The following MYO15A variants were observed in gnomAD, a reference collection of about 807,000 sequenced individuals.
The protein encoded by MYO15A is unconventional myosin-XV.
In MYO15A, 308 loss-of-function variants were observed where a neutral mutation model predicts 394.6. The observed-to-expected ratio is 0.78, with a 90% CI of 0.71 to 0.86. The LOEUF (loss-of-function observed/expected upper bound fraction) is 0.86, where lower values mean the gene tolerates loss of function less well. Among genes scored for constraint, MYO15A ranks in the 40% least tolerant of loss-of-function variants. The pLI, the probability that MYO15A is intolerant of heterozygous loss-of-function variation, is 0.00. For missense variants in MYO15A, 4,606 were observed against 4,799.1 expected (o/e 0.96, Z 1.19); for synonymous variants, 1,957 against 2,003.8 (o/e 0.98, Z 0.62).
Position 18,121,455 on chromosome 17 carries a change from G to A in MYO15A, c.2655G>A (p.Pro885=), listed in dbSNP as rs1265873558. 8 of 1,548,760 alleles carry A rather than the reference G, an allele frequency of 5.2e-6. No individual in the cohort carries two copies. Among genetic ancestry groups the A allele is most frequent in the Non-Finnish European group, 6.1e-6 (7 of 1,146,876 alleles). ...AGCCACCCACTCGGGCTGTGAAGCCGCAAGTGCGCCTGCCCTTCCACCGAC... is the reference window on the plus strand; with the variant it reads ...AGCCACCCACTCGGGCTGTGAAGCCACAAGTGCGCCTGCCCTTCCACCGAC... ...LSEPPTRAVK[P]QVRLPFHRPP... The change falls in exon 2 of 66, where the codon CCG becomes CCA. Residue 885 remains proline (P), a synonymous_variant. Coordinates refer to ENST00000647165, the MANE Select transcript of MYO15A (RefSeq NM_016239.4). This position sits in a 1 kb window ranked among gnomAD's most constrained non-coding sequence, Gnocchi z 5.3.
intron 51 of MYO15A, 42 bp downstream of exon 51, chr17:18,157,942 G>A: frequency 2.1e-6 from 3 of 1,431,700 alleles, no homozygotes; most frequent in South Asian, 1.4e-5. Context: ...TAGACCAGGG[G>A]GAAGGGGCCG....
chr17:18,124,932 A>C, intron 3 of MYO15A: 1 of 606,892 alleles, frequency 1.6e-6, no homozygotes, highest in South Asian at 1.9e-5. Flanking sequence ...ATTACGTAAG[A>C]GTGTCCCCCA....
At chr17:18,136,818 C>CT in intron 15 of MYO15A, 132 bp downstream of exon 15, 1 of 1,279,630 alleles carries the variant, frequency 7.8e-7, no homozygotes, top group Non-Finnish European at 1.1e-6. Flanking sequence ...GGACCCCTCC[C>CT]TGTCACCATC....
chr17:18,158,756 C>A, intron 52 of MYO15A, 118 bp downstream of exon 52: 2 of 1,412,422 alleles, frequency 1.4e-6, no homozygotes, highest in East Asian at 2.3e-5. Context: ...GATGAGAGAC[C>A]ACCCAGGTGT....
rs1304415629 is a variant in MYO15A, at chr17:18,172,288, CAT to C, written c.10349_10350del (p.His3450ArgfsTer67). 1.2e-6 allele frequency: 2 copies of C among 1,614,084 alleles called. No homozygotes were observed. The highest frequency in any genetic ancestry group is 2.7e-5 in the African/African-American group (2 of 74,932). On this transcript the variant is annotated frameshift_variant and splice_region_variant, in exon 64 of 66. Coordinates refer to ENST00000647165, the MANE Select transcript of MYO15A (RefSeq NM_016239.4). LOFTEE classifies it high-confidence loss of function. ...CCTCAACTTTCTCAGCACAGAGACT[CAT>C]GTGAGTGGCCTCAGCCTGGCACTGC... is the stretch of plus-strand genomic sequence containing the variant. Reference protein sequence around the residue: ...NGLNFLSTETHELMVKFPLKE... With the variant: ...NGLNFLSTETXELMVKFPLKE...
At chr17:18,130,926 G>A (rs927882706) in intron 8 of MYO15A, 116 bp downstream of exon 8, 27 of 1,183,628 alleles carry the variant, frequency 2.3e-5, no homozygotes, top group Non-Finnish European at 2.9e-5. Context: ...GGAGGGACAG[G>A]CAGGAAAGGA....
Position 18,121,763 on chromosome 17 carries a change from T to A in MYO15A, c.2963T>A (p.Val988Asp). Reference sequence around the variant, plus strand: ...GATCCAGCTGCTGATATGACCAGGGTCTTCCTGGGCAGACACCATGAGCCG... The same window carrying A: ...GATCCAGCTGCTGATATGACCAGGGACTTCCTGGGCAGACACCATGAGCCG... ...PEDPAADMTR[V>D]FLGRHHEPGP... is the part of the protein sequence containing the mutation. The change falls in exon 2 of 66, where the codon GTC (valine) becomes GAC (aspartate). Residue 988 changes from valine (V) to aspartate (D), a missense_variant. Transcript: ENST00000647165. This position sits in a 1 kb window ranked among gnomAD's most constrained non-coding sequence, Gnocchi z 5.3. 6.2e-7 allele frequency: 1 copy of A among 1,607,086 alleles called. No individual in the cohort carries two copies.
chr17:18,143,659 G>A (rs913915688), intron 26 of MYO15A, 40 bp downstream of exon 26: 1 of 1,571,196 alleles, frequency 6.4e-7, no homozygotes, highest in Non-Finnish European at 8.6e-7. Flanking sequence ...CAAGGAGGGA[G>A]GCTGGCAGGT....
At chr17:18,159,906 T>C in intron 55 of MYO15A, 29 bp from the exon 56 acceptor site, 1 of 1,611,952 alleles carries the variant, frequency 6.2e-7, no homozygotes, top group Non-Finnish European at 8.5e-7. Context: ...CACATGTCTT[T>C]GGTGTGTAAC....
intron 62 of MYO15A, among the ~76,000 whole-genome samples, chr17:18,171,129 G>C (rs996792192): frequency 6.6e-6 from 1 of 152,228 alleles, no homozygotes; most frequent in Admixed American, 6.5e-5. Flanking sequence ...GTAGCAGCCA[G>C]CGTATGTCAG....
At chr17:18,149,709 A>T (rs1037871026) in intron 35 of MYO15A, 129 bp downstream of exon 35, 1 of 942,658 alleles carries the variant, frequency 1.1e-6, no homozygotes, top group Admixed American at 1.9e-5. Flanking sequence ...TCCCATCTGG[A>T]TGTCTGCTGG....
chr17:18,152,000 G>T (rs747656996), intron 41 of MYO15A, 49 bp downstream of exon 41: 4 of 1,542,584 alleles, frequency 2.6e-6, no homozygotes, highest in Middle Eastern at 1.9e-4. Context: ...AAGACAAAGA[G>T]GGGCCTCAGG....
In MYO15A at chr17:18,122,240, C is replaced by T; in HGVS notation, c.3440C>T (p.Pro1147Leu). Residue 1147 changes from proline to leucine, a missense_variant, in exon 2 of 66, where the codon CCA (proline) becomes CTA (leucine). Around this residue, in one of 2 missense-constraint regions of MYO15A, gnomAD observed 1,830 missense variants for 1,689.7 expected, o/e 1.08. Coordinates refer to ENST00000647165, the MANE Select transcript of MYO15A (RefSeq NM_016239.4). ...PQVQPIQDPK[P>L]RACSLRWSCL... ...GTCCAGCCCATTCAGGACCCCAAGC[C>T]AAGAGCCTGTAGTCTTCGCTGGTCC... The T allele has an allele frequency of 6.2e-7, 1 of 1,613,202 alleles. No homozygotes were observed. The highest frequency in any genetic ancestry group is 8.5e-7 in the Non-Finnish European group (1 of 1,180,032).
intron 17 of MYO15A, 129 bp from the exon 18 acceptor site, chr17:18,138,682 A>G (rs765236155): frequency 4.8e-5 from 63 of 1,314,132 alleles, no homozygotes; most frequent in Non-Finnish European, 6.4e-5. Context: ...ATGGGCAGCC[A>G]TGGGAAGCTG....
Position 18,117,085 on chromosome 17 carries a change from GC to G in MYO15A, c.-219-1494del, listed in dbSNP as rs1013308028. Among the ~76,000 whole-genome samples, 2 of 152,088 alleles carry G rather than the reference GC, an allele frequency of 1.3e-5. No homozygotes were observed. The highest frequency in any genetic ancestry group is 2.1e-4 in the South Asian group (1 of 4,818). ...ACGTATCCCCTAACTCGCTCCAAAA[GC>G]CCTCCATCCAATTTCTCTGGTTTCC... On this transcript the variant is annotated intron_variant, in intron 1 of 65. Coordinates refer to ENST00000647165, the MANE Select transcript of MYO15A (RefSeq NM_016239.4). The surrounding 1 kb of genome is among the most constrained non-coding windows in gnomAD (Gnocchi z 4.1).
intron 2 of MYO15A, 46 bp downstream of exon 2, chr17:18,122,455 G>A: frequency 6.3e-7 from 1 of 1,587,440 alleles, no homozygotes; most frequent in Non-Finnish European, 8.6e-7. Flanking sequence ...TTCTGGCCTA[G>A]GAAACAGGGC....
At chr17:18,152,786 A>G (rs1162225510) in intron 42 of MYO15A, among the ~76,000 whole-genome samples, 1 of 152,098 alleles carries the variant, frequency 6.6e-6, no homozygotes, top group Non-Finnish European at 1.5e-5. Flanking sequence ...CCTGCCTTGC[A>G]TGTTCCCTGT....
chr17:18,149,489 C>T lies in MYO15A; in HGVS notation c.7121C>T (p.Ser2374Leu). The T allele has an allele frequency of 7.4e-6, 12 of 1,613,614 alleles. No homozygotes were observed. Among genetic ancestry groups the T allele is most frequent in the Non-Finnish European group, 1.0e-5 (12 of 1,179,464 alleles). The change falls in exon 35 of 66, where the codon TCA (serine) becomes TTA (leucine). Residue 2374 changes from serine (S) to leucine (L), a missense_variant. Ser to Leu is a moderately radical substitution (Grantham distance 145, BLOSUM62 -2). Transcript: ENST00000647165. ...AQRGTATHQE[S>L]DSLGEPAVPH... The stretch of plus-strand genomic sequence containing the variant: ...ATTTTTGTGCCTTCCCCTCCAGAGT[C>T]AGACAGTCTTGGAGAGCCTGCTGTG...
In MYO15A at chr17:18,150,515, C is replaced by A. The variant is rs986724911; in HGVS notation, c.7299C>A (p.Thr2433=). Residue 2433 remains threonine, a synonymous_variant, in exon 36 of 66, where the codon ACC becomes ACA. Coordinates refer to ENST00000647165, the MANE Select transcript of MYO15A (RefSeq NM_016239.4). This position sits in a 1 kb window ranked among gnomAD's most constrained non-coding sequence, Gnocchi z 4.4. ...GCAGCAGTAGTGGTACTGAAGACAC[C>A]CCCAGGAGACCCCCAGAGCCAAAGC... ...GGGSSSGTED[T]PRRPPEPKPI... 3 of 1,614,024 alleles carry A rather than the reference C, an allele frequency of 1.9e-6. No individual in the cohort carries two copies. The highest frequency in any genetic ancestry group is 2.5e-6 in the Non-Finnish European group (3 of 1,180,008).
Sources: gnomAD v4.1 joint callset for allele counts (sites outside exome capture counted in the v4.1 genomes callset) on GRCh38, gnomAD v4.1.1 for gene constraint, gnomAD v4.1.1 regional missense constraint, Gnocchi (gnomAD v3.1) non-coding constraint, MANE v1.5 for transcripts, NCBI Gene and HGNC (gene_info 2026-07-23, HGNC 2026-07-21) for gene names.